DDHD2: variants seen among roughly 807,000 people sequenced by gnomAD.
The protein encoded by DDHD2 is DDHD domain containing 2.
DDHD2 carries 62 observed loss-of-function variants against 91.2 expected under a neutral mutation model. That is an observed-to-expected ratio of 0.68 (90% CI 0.55 to 0.84). DDHD2 has a LOEUF of 0.84. Ranked by LOEUF, DDHD2 falls within the 40% of genes least tolerant of loss-of-function variation. DDHD2 has a pLI of 0.00. For synonymous variants in DDHD2, 271 were observed against 293.9 expected, an observed-to-expected ratio of 0.92 and a Z score of 0.80; for missense variants, 740 against 846.9, an observed-to-expected ratio of 0.87 and a Z score of 1.57.
chr8:38,258,001 A>G lies in DDHD2; in HGVS notation c.2055-2039A>G, dbSNP rs117061635. Among the ~76,000 whole-genome samples the G allele has an allele frequency of 7.9e-4, 121 of 152,206 alleles. 1 individual carries two copies. The East Asian group carries it at 0.023, about 28-fold the overall frequency. ...TATATATATAATTTTTTTTAGAAACAGGATCTTGCATGCAGTGGCTTCTCA... is the reference window on the plus strand; with the variant it reads ...TATATATATAATTTTTTTTAGAAACGGGATCTTGCATGCAGTGGCTTCTCA... On this transcript the variant is annotated intron_variant, in intron 16 of 17. Coordinates refer to ENST00000397166, the MANE Select transcript of DDHD2 (RefSeq NM_015214.3).
intron 4 of DDHD2, among the ~76,000 whole-genome samples, 191 bp downstream of exon 4, chr8:38,237,818 T>C (rs921896708): frequency 3.9e-5 from 6 of 152,202 alleles, no homozygotes; most frequent in Admixed American, 3.3e-4. Flanking sequence ...TACAAAATAA[T>C]TTTCTTATGG....
chr8:38,270,683 G>A (rs1808428546), intron 1 of DDHD2: 1 of 152,234 alleles, frequency 6.6e-6, no homozygotes, highest in Admixed American at 6.5e-5. Flanking sequence ...GCAGGGAGGG[G>A]AGCAGTAAAA....
rs1466980066 is a variant in DDHD2, at chr8:38,247,709, T to C, written c.1126-4T>C. ...GAATATGAGCTTTATAATTTAATTT[T>C]TAGGATTCGCTAAATATTGTAATGG... is the stretch of plus-strand genomic sequence containing the variant. On this transcript the variant is annotated splice_polypyrimidine_tract_variant and splice_region_variant and intron_variant, in intron 9 of 17. Coordinates refer to ENST00000397166, the MANE Select transcript of DDHD2 (RefSeq NM_015214.3). 1 of 1,488,204 alleles carries C rather than the reference T, an allele frequency of 6.7e-7. No individual in the cohort carries two copies. The highest frequency in any genetic ancestry group is 2.5e-5 in the Admixed American group (1 of 40,716). 92.2% of individuals were successfully genotyped at this position (1,488,204 alleles called of 1,614,324 possible).
Position 38,262,011 on chromosome 8 carries a change from C to A in DDHD2, c.*1438C>A, listed in dbSNP as rs577366544. ...TTCCTTAGACAGCAGTGGTCTTTATCCCTTTCTGGAAAGAAAAGGAAAATG... is the reference window on the plus strand; with the variant it reads ...TTCCTTAGACAGCAGTGGTCTTTATACCTTTCTGGAAAGAAAAGGAAAATG... On this transcript the variant is annotated 3_prime_UTR_variant, in exon 18 of 18. Coordinates refer to ENST00000397166, the MANE Select transcript of DDHD2 (RefSeq NM_015214.3). 6.6e-6 allele frequency: 1 copy of A among 152,200 alleles called. No individual in the cohort carries two copies. The highest frequency in any genetic ancestry group is 1.9e-4 in the East Asian group (1 of 5,176). 9.4% of individuals were successfully genotyped at this position (152,200 alleles called of 1,614,324 possible).
chr8:38,241,379 GCTTT>G, intron 6 of DDHD2, among the ~76,000 whole-genome samples: 1 of 151,634 alleles, frequency 6.6e-6, no homozygotes, highest in South Asian at 2.1e-4. Flanking sequence ...TTGAAGTTTA[GCTTT>G]CTTTTTTTTT....
chr8:38,268,321 C>A, intron 1 of DDHD2: 1 of 1,489,262 alleles, frequency 6.7e-7, no homozygotes, highest in South Asian at 1.2e-5. Context: ...CCACAACGAC[C>A]TCCTAGGTTC....
chr8:38,254,095 T>C (rs1283134585), intron 16 of DDHD2, among the ~76,000 whole-genome samples: 10 of 149,074 alleles, frequency 6.7e-5, no homozygotes. Context: ...AAAAGACCTG[T>C]GTACCTTTGG....
downstream of DDHD2, chr8:38,267,390 G>T (rs766280823): frequency 1.2e-6 from 2 of 1,612,842 alleles, no homozygotes; most frequent in Non-Finnish European, 1.7e-6. Flanking sequence ...TCTGGGCGTG[G>T]CCTGGAAGAA....
intron 17 of DDHD2, 173 bp downstream of exon 17, chr8:38,260,320 T>A (rs1806903246): frequency 1.9e-5 from 9 of 473,042 alleles, no homozygotes; most frequent in Non-Finnish European, 3.4e-5. Context: ...AAAAACACAG[T>A]AGCCCATTTA....
chr8:38,246,004 C>CT, intron 8 of DDHD2, 54 bp downstream of exon 8: 3 of 1,511,888 alleles, frequency 2.0e-6, no homozygotes, highest in Non-Finnish European at 2.7e-6. Context: ...TTAAAGACAC[C>CT]TGTTTTTGAA....
At chr8:38,241,698 C>T (rs1805278320) in intron 6 of DDHD2, among the ~76,000 whole-genome samples, 1 of 149,568 alleles carries the variant, frequency 6.7e-6, no homozygotes, top group African/African-American at 2.4e-5. Context: ...GGATTACAGG[C>T]ATGAGCCACT....
intron 5 of DDHD2, among the ~76,000 whole-genome samples, chr8:38,239,630 T>G (rs1394705218): frequency 7.5e-6 from 1 of 134,098 alleles, no homozygotes; most frequent in Non-Finnish European, 1.6e-5. Context: ...GAGGTTGCAG[T>G]GAGCCAAGAT....
At chr8:38,259,279 C>G (rs2130884177) in intron 16 of DDHD2, among the ~76,000 whole-genome samples, 1 of 151,368 alleles carries the variant, frequency 6.6e-6, no homozygotes, top group South Asian at 2.1e-4. Flanking sequence ...CAGTGACACT[C>G]TGCAACCTTC....
At chr8:38,259,924 G>A (rs1055226660) in intron 16 of DDHD2, 116 bp from the exon 17 acceptor site, 57 of 677,848 alleles carry the variant, frequency 8.4e-5, no homozygotes, top group Non-Finnish European at 1.3e-4. Context: ...TCATTTCTTT[G>A]CAGAAGTAAA....
At chr8:38,268,111 T>C in intron 1 of DDHD2, 1 of 1,461,000 alleles carries the variant, frequency 6.8e-7, no homozygotes, top group East Asian at 2.5e-5. Flanking sequence ...GTGATCACTC[T>C]TTTGTAGCCG....
chr8:38,235,870 C>G (rs534615893), intron 3 of DDHD2, among the ~76,000 whole-genome samples: 1 of 92,472 alleles, frequency 1.1e-5, no homozygotes, highest in East Asian at 4.1e-4. Flanking sequence ...AAAAAGTACA[C>G]GCGCACACAC....
intron 6 of DDHD2, 96 bp downstream of exon 6, chr8:38,240,460 G>C (rs1012989289): frequency 3.4e-6 from 3 of 885,058 alleles, no homozygotes; most frequent in African/African-American, 1.7e-5. Flanking sequence ...TGCATAAGAA[G>C]ATTTGGAGAG....
downstream of DDHD2, chr8:38,264,790 C>T: frequency 6.6e-7 from 1 of 1,507,674 alleles, no homozygotes; most frequent in Non-Finnish European, 8.8e-7. Context: ...ACAGTATTAT[C>T]ATTGTCAGGT....
At chr8:38,238,046 G>A (rs1297378921) in intron 4 of DDHD2, 43 bp from the exon 5 acceptor site, 4 of 1,538,898 alleles carry the variant, frequency 2.6e-6, no homozygotes, top group African/African-American at 1.4e-5. Context: ...AGAGATGATT[G>A]TATTGCAGAA....
Sources: allele counts gnomAD v4.1 joint callset (sites outside exome capture counted in the v4.1 genomes callset), GRCh38; gene constraint gnomAD v4.1.1; transcripts MANE v1.5; gene names NCBI Gene and HGNC (gene_info 2026-07-23, HGNC 2026-07-21).